DIP2B: variants seen among roughly 807,000 people sequenced by gnomAD.
DIP2B encodes DIP2 acetate--CoA ligase B (putative).
Under a neutral mutation model 198.0 loss-of-function variants are expected in DIP2B, and 76 were observed. The ratio of observed to expected loss-of-function variants is 0.38; its 90% confidence interval spans 0.32 to 0.46. The LOEUF is 0.46. Ranked by LOEUF, DIP2B falls within the 20% of genes least tolerant of loss-of-function variation. The probability of loss-of-function intolerance (pLI) is 0.99; values close to 1 mark genes in which losing one functional copy is unlikely to be tolerated. For missense variants in DIP2B, 1,559 were observed against 1,978.4 expected, an observed-to-expected ratio of 0.79 and a Z score of 4.02; for synonymous variants, 701 against 739.1, an observed-to-expected ratio of 0.95 and a Z score of 0.84.
Position 50,721,375 on chromosome 12 carries a change from G to A in DIP2B, c.3145G>A (p.Val1049Met). Residue 1049 changes from valine to methionine, a missense_variant, in exon 26 of 38, where the codon GTG becomes ATG. Transcript: ENST00000301180. Reference protein sequence around the residue: ...DKGHLNAGDNVVLLYPPGIEL... With the variant: ...DKGHLNAGDNMVLLYPPGIEL... The stretch of plus-strand genomic sequence containing the variant: ...GGGACATCTAAATGCAGGAGATAAT[G>A]TGGTGTTGCTCTATCCACCTGGTAA... The A allele has an allele frequency of 1.2e-6, 2 of 1,614,174 alleles. No homozygotes were observed. Among genetic ancestry groups the A allele is most frequent in the Non-Finnish European group, 1.7e-6 (2 of 1,180,000 alleles).
chr12:50,714,626 T>C, intron 23 of DIP2B, 30 bp downstream of exon 23: 1 of 1,612,064 alleles, frequency 6.2e-7, no homozygotes, highest in African/African-American at 1.3e-5. Context: ...GACCTGGCAC[T>C]AAAATTCCAA....
intron 4 of DIP2B, among the ~76,000 whole-genome samples, chr12:50,661,071 G>T (rs977614738): frequency 6.6e-6 from 1 of 151,320 alleles, no homozygotes; most frequent in East Asian, 1.9e-4. Context: ...CTCTCCCAAA[G>T]TTTTTTTAAA....
In DIP2B at chr12:50,545,255, C is replaced by G. The variant is rs183718436; in HGVS notation, c.100+40015C>G. Among the ~76,000 whole-genome samples, 20 of 152,176 alleles carry G rather than the reference C, an allele frequency of 1.3e-4. 1 individual carries two copies. In the East Asian group the frequency reaches 3.7e-3, roughly 28 times the overall value. ...TACCGATTTACAGACCTTTTGGCAA[C>G]GTATGAGAGTTCCATTTCTTCCTGT... On this transcript the variant is annotated intron_variant, in intron 1 of 37. Transcript: ENST00000301180.
intron 1 of DIP2B, among the ~76,000 whole-genome samples, chr12:50,552,872 A>T (rs748485658): frequency 1.7e-4 from 25 of 151,392 alleles, no homozygotes; most frequent in Non-Finnish European, 3.5e-4. Flanking sequence ...TTATTTATTT[A>T]TTTTTTCCCA....
chr12:50,574,308 G>T (rs1385518319), intron 1 of DIP2B, among the ~76,000 whole-genome samples: 1 of 152,148 alleles, frequency 6.6e-6, no homozygotes, highest in African/African-American at 2.4e-5. Context: ...CTCCACACGG[G>T]TTCTGGATAA....
intron 1 of DIP2B, among the ~76,000 whole-genome samples, chr12:50,607,379 C>G (rs1041912916): frequency 1.3e-5 from 2 of 152,208 alleles, no homozygotes; most frequent in Non-Finnish European, 2.9e-5. Flanking sequence ...CTAGATGTTT[C>G]TGACTTCCAC....
chr12:50,671,300 G>A lies in DIP2B; in HGVS notation c.542G>A (p.Gly181Glu), dbSNP rs1049508146. ...AESWINRSIQGSSTSSSASST... is the reference protein window; with the variant it reads ...AESWINRSIQESSTSSSASST... ...TCCTGGATCAACCGTTCAATTCAGG[G>A]ATCGTCCACTTCTTCATCCGCATCT... Residue 181 changes from glycine to glutamate, a missense_variant, in exon 5 of 38, where the codon GGA (glycine) becomes GAA (glutamate). By Grantham distance (98) the Gly-to-Glu change is moderately conservative. Transcript: ENST00000301180. 6.2e-7 allele frequency: 1 copy of A among 1,614,136 alleles called. No individual in the cohort carries two copies. Among genetic ancestry groups the A allele is most frequent in the Non-Finnish European group, 8.5e-7 (1 of 1,180,014 alleles).
intron 19 of DIP2B, among the ~76,000 whole-genome samples, 153 bp from the exon 20 acceptor site, chr12:50,703,987 G>A (rs570645780): frequency 2.2e-4 from 33 of 151,248 alleles, no homozygotes; most frequent in African/African-American, 7.8e-4. Context: ...ACAATAAATT[G>A]TAATTATTTC....
At chr12:50,698,574 T>C in intron 18 of DIP2B, 107 bp downstream of exon 18, 1 of 1,331,060 alleles carries the variant, frequency 7.5e-7, no homozygotes, top group South Asian at 1.7e-5. Context: ...AATTCAGTAC[T>C]TAACGCATTT....
At chr12:50,732,669 T>A in intron 32 of DIP2B, 133 bp downstream of exon 32, 2 of 1,089,886 alleles carry the variant, frequency 1.8e-6, no homozygotes, top group Non-Finnish European at 2.6e-6. Context: ...TTCGGGCTTT[T>A]AAATCTCGAT....
At chr12:50,624,100 CT>C (rs1288133923) in intron 1 of DIP2B, among the ~76,000 whole-genome samples, 1 of 152,186 alleles carries the variant, frequency 6.6e-6, no homozygotes, top group African/African-American at 2.4e-5. Flanking sequence ...CTTAGTACAG[CT>C]GCTGAATCAA....
In DIP2B at chr12:50,671,312, C is replaced by T. The variant is rs1565865732; in HGVS notation, c.554C>T (p.Ser185Phe). 1 of 1,614,162 alleles carries T rather than the reference C, an allele frequency of 6.2e-7. No homozygotes were observed. The highest frequency in any genetic ancestry group is 8.5e-7 in the Non-Finnish European group (1 of 1,180,028). The change falls in exon 5 of 38, where the codon TCT (serine) becomes TTT (phenylalanine). Residue 185 changes from serine to phenylalanine, a missense_variant. By Grantham distance (155) the Ser-to-Phe change is radical (BLOSUM62 -2). Transcript: ENST00000301180. Reference sequence around the variant, plus strand: ...CGTTCAATTCAGGGATCGTCCACTTCTTCATCCGCATCTTCTACGCTGTCC... The same window carrying T: ...CGTTCAATTCAGGGATCGTCCACTTTTTCATCCGCATCTTCTACGCTGTCC... Reference protein sequence around the residue: ...INRSIQGSSTSSSASSTLSHG... With the variant: ...INRSIQGSSTFSSASSTLSHG...
intron 4 of DIP2B, among the ~76,000 whole-genome samples, chr12:50,667,927 G>A (rs1938784403): frequency 6.6e-6 from 1 of 152,176 alleles, no homozygotes; most frequent in Non-Finnish European, 1.5e-5. Flanking sequence ...CCCAGCTATG[G>A]TTAGGATAAA....
At chr12:50,713,786 C>T (rs1421819177) in intron 22 of DIP2B, among the ~76,000 whole-genome samples, 1 of 82,268 alleles carries the variant, frequency 1.2e-5, no homozygotes, top group African/African-American at 3.9e-5. Context: ...TAAGAGAGAA[C>T]ATATTGGCTG....
intron 20 of DIP2B, 88 bp from the exon 21 acceptor site, chr12:50,706,450 T>G: frequency 2.7e-6 from 4 of 1,476,880 alleles, no homozygotes; most frequent in Non-Finnish European, 3.7e-6. Flanking sequence ...ACTTTTTAAA[T>G]GAGATTTATT....
chr12:50,612,259 A>G (rs773132584), intron 1 of DIP2B, among the ~76,000 whole-genome samples: 10 of 152,110 alleles, frequency 6.6e-5, no homozygotes, highest in Non-Finnish European at 1.2e-4. Flanking sequence ...AAAGAAAAGC[A>G]GATAGGGAAA....
At position 50,737,364 on chromosome 12, in the gene DIP2B, G is replaced by C. The variant is rs540281535; in HGVS notation, c.4176+254G>C. Among the ~76,000 whole-genome samples, 4 of 152,250 alleles carry C rather than the reference G, an allele frequency of 2.6e-5. No individual in the cohort carries two copies. The East Asian group carries it at 5.8e-4, about 22-fold the overall frequency. ...CATGCCCTTAGCTAGAAAGGAAAGTGAGCAAATCCTACATATTCCCACCTA... is the reference window on the plus strand; with the variant it reads ...CATGCCCTTAGCTAGAAAGGAAAGTCAGCAAATCCTACATATTCCCACCTA... On this transcript the variant is annotated intron_variant, in intron 35 of 37. Transcript: ENST00000301180.
chr12:50,693,749 G>A (rs1206709032), intron 14 of DIP2B, among the ~76,000 whole-genome samples: 1 of 152,170 alleles, frequency 6.6e-6, no homozygotes, highest in Non-Finnish European at 1.5e-5. Context: ...GCAAGATAGG[G>A]ACATGTGTGA....
intron 17 of DIP2B, among the ~76,000 whole-genome samples, chr12:50,697,533 CTTTTTTTTTTTTTTTT>C (rs11306905): frequency 2.2e-5 from 1 of 45,970 alleles, no homozygotes; most frequent in African/African-American, 9.9e-5. Flanking sequence ...TATAGATATA[CTTTTTTTTTTTTTTTT>C]TTTTTTTTTT....
Sources: gnomAD v4.1 joint callset for allele counts (sites outside exome capture counted in the v4.1 genomes callset) on GRCh38, gnomAD v4.1.1 for gene constraint, MANE v1.5 for transcripts, NCBI Gene and HGNC (gene_info 2026-07-23, HGNC 2026-07-21) for gene names.